Variants in OVCH2 observed in about 807,000 individuals in gnomAD.
OVCH2 encodes the protein ovochymase-2.
OVCH2 carries 88 observed loss-of-function variants against 73.7 expected under a neutral mutation model. That is an observed-to-expected ratio of 1.19 (90% confidence interval 1.01 to 1.43). The LOEUF is 1.43. Among genes scored for constraint, OVCH2 ranks in the 40% most tolerant of loss-of-function variants. OVCH2 has a pLI of 0.00. For missense variants in OVCH2, 706 were observed against 674.5 expected, an observed-to-expected ratio of 1.05 and a Z score of -0.52; for synonymous variants, 265 against 234.5, an observed-to-expected ratio of 1.13 and a Z score of -1.19.
chr11:7,691,885 G>A lies in OVCH2; in HGVS notation c.1507+17C>T, dbSNP rs1216406028. On this transcript the variant is annotated intron_variant, in intron 13 of 15. Transcript: ENST00000533663. ...CAAACACAAACCAGAGCGAGCTGAG[G>A]CTCAGAGGACACAAACCTATTTCCT... 1.3e-6 allele frequency: 2 copies of A among 1,546,536 alleles called. No individual in the cohort carries two copies. The highest frequency in any genetic ancestry group is 1.2e-5 in the South Asian group (1 of 84,044).
At chr11:7,705,693 A>G (rs1278797337) in intron 1 of OVCH2, 2 of 152,266 alleles carry the variant, frequency 1.3e-5, no homozygotes, top group Non-Finnish European at 2.9e-5. Flanking sequence ...CCAGGATGAC[A>G]TTGGAACAAA....
intron 11 of OVCH2, 131 bp from the exon 12 acceptor site, chr11:7,695,319 G>T: frequency 8.9e-7 from 1 of 1,127,664 alleles, no homozygotes; most frequent in Non-Finnish European, 1.2e-6. Flanking sequence ...AAGAAAAGAC[G>T]TAGTGCATGA....
intron 12 of OVCH2, 54 bp from the exon 13 acceptor site, chr11:7,692,049 C>A: frequency 7.6e-7 from 1 of 1,314,374 alleles, no homozygotes. Context: ...AATTACCTGA[C>A]TTTGATTCAG....
chr11:7,689,843 A>G, intron 15 of OVCH2, 81 bp downstream of exon 15: 2 of 860,288 alleles, frequency 2.3e-6, no homozygotes, highest in Non-Finnish European at 1.9e-6. Context: ...GGAAGATGGA[A>G]TTAAATCCAT....
chr11:7,692,952 G>A (rs547780349), intron 12 of OVCH2, among the ~76,000 whole-genome samples: 1 of 152,216 alleles, frequency 6.6e-6, no homozygotes, highest in Admixed American at 6.5e-5. Flanking sequence ...ATATCTTTAG[G>A]CATTTACTTT....
At chr11:7,682,090 T>G in the OVCH2 span, among the ~76,000 whole-genome samples, 1 of 152,222 alleles carries the variant, frequency 6.6e-6, no homozygotes, top group South Asian at 2.1e-4. Context: ...TGAGCGTTAT[T>G]CTAAAACCTT....
the OVCH2 span, among the ~76,000 whole-genome samples, chr11:7,682,567 C>G: frequency 8.5e-5 from 13 of 152,216 alleles, no homozygotes; most frequent in African/African-American, 2.4e-4. Flanking sequence ...AGAAAACATA[C>G]ATTTTTCCTC....
At chr11:7,679,321 G>A in the OVCH2 span, among the ~76,000 whole-genome samples, 50 of 152,318 alleles carry the variant, frequency 3.3e-4, no homozygotes, top group Admixed American at 3.1e-3. Flanking sequence ...CTCCTGAATA[G>A]CCTCCTGATG....
At chr11:7,705,123 G>A (rs372381394) in intron 1 of OVCH2, among the ~76,000 whole-genome samples, 9 of 152,106 alleles carry the variant, frequency 5.9e-5, no homozygotes, top group African/African-American at 2.2e-4. Context: ...TTTGAAGGAG[G>A]ATTAGAACTA....
At chr11:7,694,209 AC>A (rs1404151422) in intron 12 of OVCH2, among the ~76,000 whole-genome samples, 1 of 151,966 alleles carries the variant, frequency 6.6e-6, no homozygotes, top group Admixed American at 6.6e-5. Context: ...TTCCAATCTC[AC>A]CCTGACTGCA....
chr11:7,696,665 C>T (rs371882223), intron 9 of OVCH2, 44 bp downstream of exon 9: 175 of 1,613,626 alleles, frequency 1.1e-4, no homozygotes, highest in Middle Eastern at 4.9e-4. Context: ...GGGCCCAGAC[C>T]GGAGGTGGGA....
chr11:7,693,788 G>T (rs187162727), intron 12 of OVCH2, among the ~76,000 whole-genome samples: 1 of 152,058 alleles, frequency 6.6e-6, no homozygotes, highest in Non-Finnish European at 1.5e-5. Context: ...ATTAACATCT[G>T]ACTTCACGTG....
chr11:7,681,765 A>G, the OVCH2 span, among the ~76,000 whole-genome samples: 1 of 150,198 alleles, frequency 6.7e-6, no homozygotes, highest in Non-Finnish European at 1.5e-5. Context: ...GGAGAATTCC[A>G]CCTGCATGGA....
At chr11:7,702,707 G>A (rs1332529825) in intron 3 of OVCH2, among the ~76,000 whole-genome samples, 2 of 152,160 alleles carry the variant, frequency 1.3e-5, no homozygotes, top group African/African-American at 4.8e-5. Flanking sequence ...GGAATGATTT[G>A]TGATTCCCAG....
downstream of OVCH2, among the ~76,000 whole-genome samples, chr11:7,685,733 A>G (rs1856135606): frequency 1.3e-5 from 2 of 152,084 alleles, no homozygotes; most frequent in African/African-American, 4.8e-5. Flanking sequence ...TGTGTCTTCA[A>G]TGAAGCTGGG....
chr11:7,698,460 C>T (rs923529863), intron 8 of OVCH2, among the ~76,000 whole-genome samples: 1 of 152,172 alleles, frequency 6.6e-6, no homozygotes, highest in Non-Finnish European at 1.5e-5. Context: ...AGGTGTGTAG[C>T]TTACTGACCA....
Position 7,696,530 on chromosome 11 carries a change from T to G in OVCH2, c.1076A>C (p.His359Pro). Residue 359 changes from histidine to proline, a missense_variant, in exon 10 of 16, where the codon CAC (histidine) becomes CCC (proline). Coordinates refer to ENST00000533663, the MANE Select transcript of OVCH2 (RefSeq NM_198185.7). ...EEMHVLLSFS[H>P]LDVESCHHSY... ...GTGGTGACAAGACTCAACATCTAGG[T>G]GGGAAAAACTGAGCAACACATGCAT... The G allele has an allele frequency of 6.2e-7, 1 of 1,613,982 alleles. No individual in the cohort carries two copies. Among genetic ancestry groups the G allele is most frequent in the East Asian group, 2.2e-5 (1 of 44,882 alleles).
chr11:7,695,477 G>C, intron 11 of OVCH2, 93 bp downstream of exon 11: 1 of 1,281,092 alleles, frequency 7.8e-7, no homozygotes, highest in Non-Finnish European at 1.1e-6. Flanking sequence ...TTGGGCCTTG[G>C]GAGAGGGATC....
chr11:7,706,219 C>A, intron 1 of OVCH2, 88 bp downstream of exon 1: 1 of 1,314,274 alleles, frequency 7.6e-7, no homozygotes, highest in South Asian at 1.4e-5. Flanking sequence ...TCCTATTTTC[C>A]CAAAGGAACA....
Sources: allele counts gnomAD v4.1 joint callset (sites outside exome capture counted in the v4.1 genomes callset), GRCh38; gene constraint gnomAD v4.1.1; transcripts MANE v1.5; gene names NCBI Gene and HGNC (gene_info 2026-07-23, HGNC 2026-07-21).